Variants in NCAM2 observed in about 807,000 individuals in gnomAD.
NCAM2 encodes neural cell adhesion molecule 2, also known as N-CAM-2.
NCAM2 carries 30 observed loss-of-function variants against 98.1 expected under a neutral mutation model. That is an observed-to-expected ratio of 0.31 (90% CI 0.23 to 0.41). NCAM2 has a LOEUF of 0.41. Ranked by LOEUF, NCAM2 falls within the 10% of genes least tolerant of loss-of-function variation. The pLI is 1.00. For missense variants in NCAM2, 867 were observed against 1,005.8 expected, an observed-to-expected ratio of 0.86 and a Z score of 1.87; for synonymous variants, 368 against 342.4, an observed-to-expected ratio of 1.07 and a Z score of -0.83.
chr21:21,241,523 G>A (rs994367511), intron 1 of NCAM2, among the ~76,000 whole-genome samples: 8 of 152,108 alleles, frequency 5.3e-5, no homozygotes, highest in African/African-American at 1.7e-4. Flanking sequence ...TGGAGTTCAG[G>A]CTGTAGCCCA....
chr21:21,371,220 G>C (rs2075907408), intron 8 of NCAM2, among the ~76,000 whole-genome samples: 1 of 151,804 alleles, frequency 6.6e-6, no homozygotes, highest in Non-Finnish European at 1.5e-5. Context: ...TGTAGAAACT[G>C]GTGGATTTGA....
chr21:21,115,703 TCTTC>T (rs2066540104), intron 1 of NCAM2, among the ~76,000 whole-genome samples: 1 of 152,234 alleles, frequency 6.6e-6, no homozygotes, highest in Non-Finnish European at 1.5e-5. Context: ...ATAATTGTCT[TCTTC>T]CTTCAGTAAT....
chr21:21,409,415 C>T (rs1269931447), intron 9 of NCAM2, among the ~76,000 whole-genome samples: 2 of 152,106 alleles, frequency 1.3e-5, no homozygotes, highest in East Asian at 1.9e-4. Flanking sequence ...TTTATGACAT[C>T]TGTGGTTTAG....
chr21:21,125,413 T>A (rs2066773616), intron 1 of NCAM2, among the ~76,000 whole-genome samples: 1 of 135,674 alleles, frequency 7.4e-6, no homozygotes, highest in African/African-American at 2.8e-5. Flanking sequence ...ATATAATATT[T>A]TACATATATT....
intron 1 of NCAM2, among the ~76,000 whole-genome samples, chr21:21,266,103 C>A (rs989094964): frequency 1.3e-5 from 2 of 151,988 alleles, no homozygotes; most frequent in Admixed American, 1.3e-4. Context: ...GTTTTTGCTT[C>A]CTTCTACCTG....
intron 1 of NCAM2, among the ~76,000 whole-genome samples, chr21:21,014,668 C>T (rs1467056167): frequency 1.6e-4 from 25 of 152,186 alleles, no homozygotes; most frequent in Admixed American, 1.6e-3. Context: ...GTTTTTATGC[C>T]TACTAACACA....
chr21:21,489,782 A>G (rs1389853666), intron 15 of NCAM2, among the ~76,000 whole-genome samples: 1 of 152,130 alleles, frequency 6.6e-6, no homozygotes, highest in African/African-American at 2.4e-5. Flanking sequence ...CATAATATTC[A>G]GAATATATTT....
intron 9 of NCAM2, among the ~76,000 whole-genome samples, chr21:21,377,629 TATAGTGTTA>T (rs2076062910): frequency 6.6e-6 from 1 of 151,934 alleles, no homozygotes; most frequent in African/African-American, 2.4e-5. Context: ...GTTATATGTA[TATAGTGTTA>T]AATGATTCAG....
chr21:21,229,060 A>G (rs2147173620), intron 1 of NCAM2, among the ~76,000 whole-genome samples: 1 of 151,600 alleles, frequency 6.6e-6, no homozygotes, highest in East Asian at 1.9e-4. Context: ...ATGGCTTTAG[A>G]TTAATAATAA....
chr21:21,523,917 GTA>G (rs34104809), intron 16 of NCAM2, among the ~76,000 whole-genome samples: 123,265 of 151,272 alleles, frequency 0.81, 50,535 homozygotes, highest in East Asian at 1. Context: ...TACAAATATA[GTA>G]TATATATTAA....
chr21:21,321,724 C>G (rs1443966512), intron 5 of NCAM2, among the ~76,000 whole-genome samples: 1 of 152,084 alleles, frequency 6.6e-6, no homozygotes, highest in Non-Finnish European at 1.5e-5. Flanking sequence ...AGGTGTGCAG[C>G]TTTCATCCTC....
intron 9 of NCAM2, among the ~76,000 whole-genome samples, chr21:21,400,597 CT>C (rs59168731): frequency 0.31 from 42,009 of 137,600 alleles, 4,774 homozygotes; most frequent in East Asian, 0.41. Context: ...TTACCAAAAA[CT>C]TTTTTTTTTT....
At chr21:21,192,913 C>T (rs1296420286) in intron 1 of NCAM2, among the ~76,000 whole-genome samples, 2 of 152,118 alleles carry the variant, frequency 1.3e-5, no homozygotes, top group Admixed American at 6.5e-5. Flanking sequence ...ATCCTAGTGT[C>T]GTGAGGCAAG....
chr21:21,137,663 C>T (rs902155752), intron 1 of NCAM2, among the ~76,000 whole-genome samples: 1 of 152,122 alleles, frequency 6.6e-6, no homozygotes, highest in Non-Finnish European at 1.5e-5. Context: ...GAGGCTAAGA[C>T]AGGAGAATCG....
intron 12 of NCAM2, among the ~76,000 whole-genome samples, chr21:21,434,004 T>TCCC (rs987053469): frequency 1.1e-4 from 16 of 152,102 alleles, no homozygotes; most frequent in African/African-American, 3.6e-4. Flanking sequence ...GTTAATAGGC[T>TCCC]CCCTCCAGAC....
chr21:21,387,061 C>T (rs2076283651), intron 9 of NCAM2, among the ~76,000 whole-genome samples: 1 of 152,034 alleles, frequency 6.6e-6, no homozygotes, highest in Non-Finnish European at 1.5e-5. Context: ...AAACAACAAA[C>T]ATTTATTTCT....
chr21:21,111,302 G>A (rs2066449804), intron 1 of NCAM2, among the ~76,000 whole-genome samples: 1 of 152,178 alleles, frequency 6.6e-6, no homozygotes, highest in South Asian at 2.1e-4. Flanking sequence ...GTATTCAGAA[G>A]GGATGAGTAC....
chr21:21,112,890 G>T (rs1332367981), intron 1 of NCAM2, among the ~76,000 whole-genome samples: 1 of 152,168 alleles, frequency 6.6e-6, no homozygotes, highest in Non-Finnish European at 1.5e-5. Context: ...TGCAGCACTG[G>T]CTTCGTAGGA....
intron 1 of NCAM2, among the ~76,000 whole-genome samples, chr21:21,026,852 CTTCT>C (rs2064558236): frequency 7.1e-6 from 1 of 141,718 alleles, no homozygotes; most frequent in Admixed American, 7.1e-5. Flanking sequence ...TTTTCTTCTT[CTTCT>C]TTTTTTTTTT....
Sources: allele counts gnomAD v4.1 joint callset (sites outside exome capture counted in the v4.1 genomes callset), GRCh38; gene constraint gnomAD v4.1.1; transcripts MANE v1.5; gene names NCBI Gene and HGNC (gene_info 2026-07-23, HGNC 2026-07-21).